Variants in FRMD4A observed in about 807,000 individuals in gnomAD.
FRMD4A encodes FERM domain containing 4A, also known as FERM domain-containing protein 4A.
FRMD4A carries 29 observed loss-of-function variants against 129.1 expected under a neutral mutation model. The observed-to-expected ratio is 0.22, with a 90% CI of 0.17 to 0.31. The LOEUF is 0.31. Ranked by LOEUF, FRMD4A falls within the 10% of genes least tolerant of loss-of-function variation. FRMD4A has a pLI of 1.00. For synonymous variants in FRMD4A, 634 were observed against 571.6 expected, an observed-to-expected ratio of 1.11 and a Z score of -1.56; for missense variants, 1,272 against 1,375.8, an observed-to-expected ratio of 0.92 and a Z score of 1.19.
At chr10:14,329,204 C>T (rs1843411345) in intron 2 of FRMD4A, among the ~76,000 whole-genome samples, 1 of 152,180 alleles carries the variant, frequency 6.6e-6, no homozygotes, top group African/African-American at 2.4e-5. Flanking sequence ...ATAAAATCTC[C>T]TGTGTAAATG....
intron 2 of FRMD4A, among the ~76,000 whole-genome samples, chr10:13,964,577 T>C (rs1416155444): frequency 2.0e-5 from 3 of 152,140 alleles, no homozygotes; most frequent in East Asian, 3.9e-4. Context: ...ATCTTCCAAG[T>C]CTCTGGGATG....
chr10:14,217,732 C>T (rs1364194437), intron 2 of FRMD4A, among the ~76,000 whole-genome samples: 1 of 152,142 alleles, frequency 6.6e-6, no homozygotes, highest in African/African-American at 2.4e-5. Flanking sequence ...TCTCTGTCCA[C>T]TTATAGAGAA....
chr10:13,932,724 C>T (rs2095212079), intron 2 of FRMD4A, among the ~76,000 whole-genome samples: 1 of 152,100 alleles, frequency 6.6e-6, no homozygotes, highest in Non-Finnish European at 1.5e-5. Context: ...TCTTAATATA[C>T]AGGTGTGTGA....
At chr10:13,950,178 G>A (rs2095361771) in intron 2 of FRMD4A, among the ~76,000 whole-genome samples, 1 of 152,212 alleles carries the variant, frequency 6.6e-6, no homozygotes, top group Admixed American at 6.5e-5. Flanking sequence ...TCCTGTCCCA[G>A]ATGAGTGGCT....
At chr10:13,742,439 C>A (rs1430363583) in intron 9 of FRMD4A, among the ~76,000 whole-genome samples, 1 of 152,224 alleles carries the variant, frequency 6.6e-6, no homozygotes, top group Non-Finnish European at 1.5e-5. Flanking sequence ...CTCCTCTTCA[C>A]CCTCCCTGTC....
At chr10:13,740,055 G>T (rs576639113) in intron 11 of FRMD4A, 139 bp downstream of exon 11, 2 of 649,686 alleles carry the variant, frequency 3.1e-6, no homozygotes, top group East Asian at 2.6e-5. Flanking sequence ...AGCCAAGATC[G>T]CACCCTGCAC....
At chr10:13,895,020 G>A (rs749426445) in intron 2 of FRMD4A, among the ~76,000 whole-genome samples, 1 of 152,212 alleles carries the variant, frequency 6.6e-6, no homozygotes, top group Non-Finnish European at 1.5e-5. Context: ...AGGATTAAAC[G>A]AGTTAATATA....
intron 15 of FRMD4A, among the ~76,000 whole-genome samples, chr10:13,680,906 C>G (rs1175972655): frequency 6.6e-6 from 1 of 151,932 alleles, no homozygotes; most frequent in Non-Finnish European, 1.5e-5. Flanking sequence ...TGATCTAAAT[C>G]TGCTATCATG....
chr10:13,984,844 C>T (rs1489467238), intron 2 of FRMD4A, among the ~76,000 whole-genome samples: 3 of 152,194 alleles, frequency 2.0e-5, no homozygotes, highest in Non-Finnish European at 1.5e-5. Context: ...TAAATATCTC[C>T]CCAAGTCCCT....
At chr10:14,125,881 G>GAACAAAACAA (rs1228159510) in intron 2 of FRMD4A, among the ~76,000 whole-genome samples, 22 of 150,124 alleles carry the variant, frequency 1.5e-4, no homozygotes, top group African/African-American at 5.3e-4. Flanking sequence ...AAACAAAACA[G>GAACAAAACAA]AACAAAACAA....
In FRMD4A at chr10:14,106,823, C is replaced by A. The variant is rs9664565; in HGVS notation, c.45+223235G>T. Reference sequence around the variant, plus strand: ...GGAGATTTCTGAAGGAACTTAAAATCGAGCTACCGTTTGACCCAGCAATCC... The same window carrying A: ...GGAGATTTCTGAAGGAACTTAAAATAGAGCTACCGTTTGACCCAGCAATCC... On this transcript the variant is annotated intron_variant, in intron 2 of 24. Transcript: ENST00000357447. Among the ~76,000 whole-genome samples the A allele has an allele frequency of 4.8e-3, 733 of 151,912 alleles. 8 individuals carry two copies. The highest frequency in any genetic ancestry group is 0.015 in the African/African-American group (639 of 41,390).
intron 3 of FRMD4A, among the ~76,000 whole-genome samples, chr10:13,813,227 G>A (rs555391171): frequency 3.3e-5 from 5 of 152,354 alleles, no homozygotes; most frequent in African/African-American, 7.2e-5. Context: ...GGCAGATTGC[G>A]TGAGGTCAGG....
rs1554923864 is a variant in FRMD4A at position 13,828,535 on chromosome 10, C to CTTTCTTTCTTTCT, written c.112-17628_112-17627insAGAAAGAAAGAAA. ...ACCATGTTTTCTTCTTTCTTTCTTT[C>CTTTCTTTCTTTCT]TTTTTTTTTTTTTTGAGACGGAGTT... On this transcript the variant is annotated intron_variant, in intron 3 of 24. Transcript: ENST00000357447. Among the ~76,000 whole-genome samples, 9 of 135,244 alleles carry CTTTCTTTCTTTCT rather than the reference C, an allele frequency of 6.7e-5. No individual in the cohort carries two copies. In the East Asian group the frequency reaches 1.9e-3, roughly 29 times the overall value. The allele number at this position is 135,244 out of a possible 152,430, so 88.7% of individuals were successfully genotyped here.
intron 2 of FRMD4A, among the ~76,000 whole-genome samples, chr10:14,053,197 T>C (rs1385275911): frequency 6.6e-6 from 1 of 152,186 alleles, no homozygotes; most frequent in African/African-American, 2.4e-5. Context: ...GGTTAATAAC[T>C]GTGAGGAAAA....
At chr10:13,678,511 C>G (rs2084194333) in intron 15 of FRMD4A, among the ~76,000 whole-genome samples, 1 of 152,236 alleles carries the variant, frequency 6.6e-6, no homozygotes, top group African/African-American at 2.4e-5. Context: ...TTCATAAAGG[C>G]TGAATGAGAA....
rs2092891853 is a variant in FRMD4A, at chr10:13,787,362, AC to A, written c.300-4357del. Among the ~76,000 whole-genome samples, 5 of 152,324 alleles carry A rather than the reference AC, an allele frequency of 3.3e-5. 1 individual carries two copies. The South Asian group carries it at 1.0e-3, about 32-fold the overall frequency. On this transcript the variant is annotated intron_variant, in intron 5 of 24. Coordinates refer to ENST00000357447, the MANE Select transcript of FRMD4A (RefSeq NM_018027.5). ...ACAGAGCTCAGACCTCTCCACCCGCACGCCCAGAGAGGCATGGTGCACACCG... is the reference window on the plus strand; with the variant it reads ...ACAGAGCTCAGACCTCTCCACCCGCAGCCCAGAGAGGCATGGTGCACACCG...
At chr10:14,009,840 G>A (rs1256186260) in intron 2 of FRMD4A, among the ~76,000 whole-genome samples, 1 of 152,062 alleles carries the variant, frequency 6.6e-6, no homozygotes. Context: ...TCTTAACCAC[G>A]GCTCACACGG....
At chr10:13,890,235 A>G (rs1003518900) in intron 2 of FRMD4A, among the ~76,000 whole-genome samples, 1 of 152,204 alleles carries the variant, frequency 6.6e-6, no homozygotes, top group African/African-American at 2.4e-5. Flanking sequence ...AAACAAAACA[A>G]TGAAATGTGT....
At chr10:13,954,068 C>T (rs2095392482) in intron 2 of FRMD4A, among the ~76,000 whole-genome samples, 1 of 152,214 alleles carries the variant, frequency 6.6e-6, no homozygotes, top group Non-Finnish European at 1.5e-5. Context: ...TGTGCTAGGA[C>T]ATCAGGGCAG....
Sources: gnomAD v4.1 joint callset for allele counts (sites outside exome capture counted in the v4.1 genomes callset) on GRCh38, gnomAD v4.1.1 for gene constraint, MANE v1.5 for transcripts, NCBI Gene and HGNC (gene_info 2026-07-23, HGNC 2026-07-21) for gene names.